Variants in PLPP1 observed in about 807,000 individuals in gnomAD.
PLPP1 encodes the protein lipid phosphate phosphohydrolase 1a.
In PLPP1, 24 loss-of-function variants were observed where a neutral mutation model predicts 31.2. The ratio of observed to expected loss-of-function variants is 0.77; its 90% CI spans 0.56 to 1.08. The LOEUF (loss-of-function observed/expected upper bound fraction) is 1.08, where lower values mean the gene tolerates loss of function less well. Among genes scored for constraint, PLPP1 ranks in the 50% least tolerant of loss-of-function variants. PLPP1 has a pLI of 0.00. For synonymous variants in PLPP1, 146 were observed against 126.3 expected (o/e 1.16, Z -1.05); for missense variants, 319 against 342.7 (o/e 0.93, Z 0.55).
chr5:55,512,536 GAAAGAAA>G, intron 1 of PLPP1, among the ~76,000 whole-genome samples: 4 of 10,494 alleles, frequency 3.8e-4, no homozygotes, highest in African/African-American at 7.7e-4. Flanking sequence ...AAGAAAGAAA[GAAAGAAA>G]GAAAGAAAGA....
chr5:55,433,138 T>C (rs1293618323), intron 4 of PLPP1, among the ~76,000 whole-genome samples: 1 of 63,352 alleles, frequency 1.6e-5, no homozygotes, highest in Non-Finnish European at 3.2e-5. Context: ...CGACACCCCA[T>C]CTCTACAAAA....
intron 3 of PLPP1, among the ~76,000 whole-genome samples, chr5:55,460,522 A>G (rs1331684713): frequency 6.6e-6 from 1 of 152,226 alleles, no homozygotes; most frequent in Non-Finnish European, 1.5e-5. Context: ...CAATACAAAG[A>G]TAGTATAATG....
intron 1 of PLPP1, among the ~76,000 whole-genome samples, chr5:55,528,843 T>C (rs1740560469): frequency 6.6e-6 from 1 of 152,218 alleles, no homozygotes; most frequent in Non-Finnish European, 1.5e-5. Flanking sequence ...TAGTATGGAA[T>C]GTCAGTGAAT....
rs943122034 is a variant in PLPP1 at position 55,431,925 on chromosome 5, C to G, written c.550-5886G>C. 2.8e-4 allele frequency among the ~76,000 whole-genome samples: 42 copies of G among 152,110 alleles called. 1 individual carries two copies. Among genetic ancestry groups the G allele is most frequent in the Admixed American group, 2.2e-3 (34 of 15,266 alleles). The stretch of plus-strand genomic sequence containing the variant: ...CACAGAAATACAAAAGAACATCTAT[C>G]TCCAATCATCTATTTGGAGATAGGG... On this transcript the variant is annotated intron_variant, in intron 4 of 5. Coordinates refer to ENST00000307259, the MANE Select transcript of PLPP1 (RefSeq NM_003711.4).
intron 4 of PLPP1, among the ~76,000 whole-genome samples, chr5:55,433,502 C>G (rs1305060310): frequency 3.3e-5 from 1 of 30,428 alleles, no homozygotes; most frequent in East Asian, 6.5e-4. Context: ...ACAAAAATCT[C>G]TAGCATTTTT....
At chr5:55,524,509 CA>C (rs1753739378) in intron 1 of PLPP1, among the ~76,000 whole-genome samples, 1 of 152,094 alleles carries the variant, frequency 6.6e-6, no homozygotes, top group Admixed American at 6.6e-5. Flanking sequence ...TAAGGTCATT[CA>C]AAAGTTTTGG....
chr5:55,487,083 A>G (rs1436561441), intron 1 of PLPP1, among the ~76,000 whole-genome samples: 2 of 152,226 alleles, frequency 1.3e-5, no homozygotes, highest in Non-Finnish European at 2.9e-5. Context: ...TATGCCATAC[A>G]GTAATCATCA....
chr5:55,511,249 T>C (rs1242498220), intron 1 of PLPP1, among the ~76,000 whole-genome samples: 1 of 152,070 alleles, frequency 6.6e-6, no homozygotes, highest in Non-Finnish European at 1.5e-5. Flanking sequence ...CAGAGTACAA[T>C]GAGAGAGTTT....
intron 1 of PLPP1, among the ~76,000 whole-genome samples, chr5:55,481,727 A>T (rs1198759023): frequency 6.6e-6 from 1 of 152,194 alleles, no homozygotes; most frequent in African/African-American, 2.4e-5. Flanking sequence ...GTAGGCTAGA[A>T]GCCTGAAGAA....
chr5:55,530,516 ATC>A, intron 1 of PLPP1: 1 of 1,186,622 alleles, frequency 8.4e-7, no homozygotes, highest in East Asian at 2.3e-5. Flanking sequence ...TCCCTACTGA[ATC>A]TTCAGAGATC....
chr5:55,534,532 C>G, intron 1 of PLPP1, 40 bp downstream of exon 1: 1 of 1,517,146 alleles, frequency 6.6e-7, no homozygotes, highest in South Asian at 1.2e-5. Flanking sequence ...CCTCCCGGGA[C>G]AGCCGCACAC....
intron 4 of PLPP1, among the ~76,000 whole-genome samples, chr5:55,439,715 T>A (rs2111701354): frequency 6.6e-6 from 1 of 152,302 alleles, no homozygotes; most frequent in Middle Eastern, 3.4e-3. Flanking sequence ...AAAACAGCCC[T>A]CAGTACAAGT....
chr5:55,531,508 T>C (rs1740667094), intron 1 of PLPP1, among the ~76,000 whole-genome samples: 1 of 152,254 alleles, frequency 6.6e-6, no homozygotes, highest in South Asian at 2.1e-4. Context: ...GAATCTGGAA[T>C]GTATCCACAT....
intron 1 of PLPP1, among the ~76,000 whole-genome samples, chr5:55,505,356 G>A (rs1753250947): frequency 6.6e-6 from 1 of 151,928 alleles, no homozygotes; most frequent in African/African-American, 2.4e-5. Context: ...CACTTTGGAA[G>A]GCCAAGGCAG....
At chr5:55,512,502 A>AAAGAAAG (rs1439065435) in intron 1 of PLPP1, among the ~76,000 whole-genome samples, 2 of 13,428 alleles carry the variant, frequency 1.5e-4, no homozygotes, top group Non-Finnish European at 2.5e-4. Flanking sequence ...GAAAGAAAAG[A>AAAGAAAG]AAAGAAAAGA....
intron 1 of PLPP1, among the ~76,000 whole-genome samples, chr5:55,532,952 T>C: frequency 2.9e-5 from 1 of 35,040 alleles, no homozygotes; most frequent in Admixed American, 3.3e-4. Context: ...CAAGACCGTC[T>C]CCAAAAAAAA....
At chr5:55,485,512 C>G (rs2111837079) in intron 1 of PLPP1, among the ~76,000 whole-genome samples, 1 of 151,894 alleles carries the variant, frequency 6.6e-6, no homozygotes, top group South Asian at 2.1e-4. Context: ...CAGACAAAAT[C>G]CACACACATA....
At chr5:55,496,152 C>T (rs780181539) in intron 1 of PLPP1, among the ~76,000 whole-genome samples, 8 of 152,290 alleles carry the variant, frequency 5.3e-5, no homozygotes, top group Admixed American at 3.3e-4. Context: ...GCCACCACAC[C>T]TGGCCAAGAT....
chr5:55,479,985 A>T (rs1034097093), intron 1 of PLPP1, among the ~76,000 whole-genome samples: 1 of 152,190 alleles, frequency 6.6e-6, no homozygotes, highest in Admixed American at 6.5e-5. Context: ...TCCTTGATAA[A>T]CTATTCCAAA....
Sources: gnomAD v4.1 joint callset for allele counts (sites outside exome capture counted in the v4.1 genomes callset) on GRCh38, gnomAD v4.1.1 for gene constraint, MANE v1.5 for transcripts, NCBI Gene and HGNC (gene_info 2026-07-23, HGNC 2026-07-21) for gene names.